BLTP2: variants seen among roughly 807,000 people sequenced by gnomAD.
BLTP2 encodes the protein bridge-like lipid transfer protein family member 2.
the BLTP2 span, among the ~76,000 whole-genome samples, chr17:28,627,839 TTAG>T: frequency 6.6e-6 from 1 of 152,034 alleles, no homozygotes; most frequent in Non-Finnish European, 1.5e-5. Flanking sequence ...TGTATTATTT[TTAG>T]TAGAGATGGG....
chr17:28,638,496 T>G, the BLTP2 span: 2 of 1,599,394 alleles, frequency 1.3e-6, no homozygotes, highest in Non-Finnish European at 1.7e-6. Context: ...GGACAGATTC[T>G]TGTTCCTATT....
chr17:28,635,457 T>C, the BLTP2 span: 1 of 1,614,150 alleles, frequency 6.2e-7, no homozygotes, highest in Non-Finnish European at 8.5e-7. Flanking sequence ...CAGAAGTAGT[T>C]CCTGAAGTCT....
the BLTP2 span, chr17:28,638,286 C>A: frequency 6.2e-7 from 1 of 1,613,028 alleles, no homozygotes; most frequent in Non-Finnish European, 8.5e-7. Context: ...AAGTGCCTCA[C>A]CCCAAACATG....
At chr17:28,644,987 A>G in the BLTP2 span, 2 of 1,573,212 alleles carry the variant, frequency 1.3e-6, no homozygotes, top group Non-Finnish European at 1.7e-6. Flanking sequence ...GGGAACCCTC[A>G]CCGGCCTAGA....
the BLTP2 span, chr17:28,641,859 A>G: frequency 9.5e-6 from 15 of 1,574,836 alleles, no homozygotes; most frequent in Admixed American, 1.6e-4. Flanking sequence ...AGAACAAGGC[A>G]GCCAAGAAGC....
At chr17:28,631,607 C>T in the BLTP2 span, 38 of 1,613,880 alleles carry the variant, frequency 2.4e-5, no homozygotes, top group Non-Finnish European at 3.2e-5. Flanking sequence ...ATCAGGTGAA[C>T]GGTCACCTGA....
the BLTP2 span, among the ~76,000 whole-genome samples, chr17:28,636,427 A>C: frequency 5.2e-3 from 790 of 152,316 alleles, 3 homozygotes; most frequent in African/African-American, 0.018. Context: ...AAATAACACC[A>C]GATCATTCTT....
chr17:28,618,918 T>A, the BLTP2 span: 1 of 1,614,198 alleles, frequency 6.2e-7, no homozygotes, highest in East Asian at 2.2e-5. Flanking sequence ...ATCTTCTTGC[T>A]GCTTTCGCAG....
At chr17:28,620,032 G>A in the BLTP2 span, 1 of 1,597,668 alleles carries the variant, frequency 6.3e-7, no homozygotes, top group Non-Finnish European at 8.5e-7. Flanking sequence ...GAATGGAAAG[G>A]GAAATGAATA....
At chr17:28,618,672 A>G in the BLTP2 span, 9 of 743,070 alleles carry the variant, frequency 1.2e-5, no homozygotes, top group Non-Finnish European at 1.5e-5. Context: ...TAATGATACT[A>G]TCATTAATAA....
At chr17:28,644,876 T>C in the BLTP2 span, 3 of 486,570 alleles carry the variant, frequency 6.2e-6, no homozygotes, top group Non-Finnish European at 3.6e-6. Context: ...CCCTACCCAC[T>C]CTGCCTCACG....
At chr17:28,616,840 G>A in the BLTP2 span, 16 of 1,602,106 alleles carry the variant, frequency 1.0e-5, no homozygotes, top group South Asian at 2.2e-5. This position sits in a 1 kb window ranked among gnomAD's most constrained non-coding sequence, Gnocchi z 4.8. Flanking sequence ...CACACAGGTG[G>A]CTTTTGAATG....
the BLTP2 span, chr17:28,634,648 G>A: frequency 1.9e-5 from 30 of 1,614,196 alleles, no homozygotes; most frequent in Non-Finnish European, 2.4e-5. Context: ...ACCATGGAAG[G>A]AGGCATCTGC....
At chr17:28,645,003 G>T in the BLTP2 span, 1 of 1,591,044 alleles carries the variant, frequency 6.3e-7, no homozygotes, top group Non-Finnish European at 8.5e-7. Context: ...CTAGAAAGAG[G>T]GCGCTAAGCG....
At chr17:28,640,619 G>A in the BLTP2 span, 2 of 1,614,024 alleles carry the variant, frequency 1.2e-6, no homozygotes, top group East Asian at 4.5e-5. Flanking sequence ...CCTTGACCTG[G>A]TCTGGCAGCT....
chr17:28,633,603 A>C, the BLTP2 span: 1 of 1,614,112 alleles, frequency 6.2e-7, no homozygotes, highest in Non-Finnish European at 8.5e-7. Flanking sequence ...GCCAGTCTCC[A>C]TGGAACAGAA....
At chr17:28,625,696 T>C in the BLTP2 span, among the ~76,000 whole-genome samples, 1 of 152,194 alleles carries the variant, frequency 6.6e-6, no homozygotes, top group Non-Finnish European at 1.5e-5. Flanking sequence ...AGTTCACCCA[T>C]ATGCATCTTA....
the BLTP2 span, among the ~76,000 whole-genome samples, chr17:28,621,742 G>A: frequency 1.3e-5 from 2 of 152,044 alleles, no homozygotes; most frequent in East Asian, 3.8e-4. Flanking sequence ...CACAGGTCTC[G>A]AGCCAGAAAA....
chr17:28,638,508 C>G, the BLTP2 span: 1 of 1,599,356 alleles, frequency 6.3e-7, no homozygotes, highest in Non-Finnish European at 8.6e-7. Flanking sequence ...GTTCCTATTC[C>G]ATCTGAGAGC....
Sources: gnomAD v4.1 joint callset for allele counts (sites outside exome capture counted in the v4.1 genomes callset) on GRCh38, gnomAD v4.1.1 for gene constraint, Gnocchi (gnomAD v3.1) non-coding constraint, MANE v1.5 for transcripts, NCBI Gene and HGNC (gene_info 2026-07-23, HGNC 2026-07-21) for gene names.